PPP6R2: variants seen among roughly 807,000 people sequenced by gnomAD.
PPP6R2 encodes the protein protein phosphatase 6 regulatory subunit 2.
A neutral mutation model predicts 100.2 loss-of-function variants in PPP6R2; 62 were observed. The ratio of observed to expected loss-of-function variants is 0.62; its 90% CI spans 0.50 to 0.76. PPP6R2 has a LOEUF of 0.76. Among genes scored for constraint, PPP6R2 ranks in the 30% least tolerant of loss-of-function variants. The probability of loss-of-function intolerance (pLI) is 0.00; values close to 1 mark genes in which losing one functional copy is unlikely to be tolerated. For missense variants in PPP6R2, 1,142 were observed against 1,276.3 expected (o/e 0.89, Z 1.60); for synonymous variants, 525 against 514.7 (o/e 1.02, Z -0.27).
chr22:50,435,331 C>T (rs915586436), intron 13 of PPP6R2, among the ~76,000 whole-genome samples: 1 of 152,236 alleles, frequency 6.6e-6, no homozygotes, highest in African/African-American at 2.4e-5. Context: ...GCACAAGAGA[C>T]AGTCCCTCCC....
At chr22:50,369,512 T>G (rs534322001) in intron 1 of PPP6R2, among the ~76,000 whole-genome samples, 44 of 152,222 alleles carry the variant, frequency 2.9e-4, no homozygotes, top group African/African-American at 1.0e-3. Flanking sequence ...AGTGTGATTG[T>G]GGCTCACTGC....
At chr22:50,417,166 G>C (rs927104507) in intron 6 of PPP6R2, among the ~76,000 whole-genome samples, 2 of 152,090 alleles carry the variant, frequency 1.3e-5, no homozygotes, top group African/African-American at 4.8e-5. Context: ...TGGGGTAGAG[G>C]CCAGCTCCAT....
intron 10 of PPP6R2, among the ~76,000 whole-genome samples, chr22:50,428,110 C>T (rs919862738): frequency 6.6e-6 from 1 of 151,308 alleles, no homozygotes; most frequent in African/African-American, 2.4e-5. Flanking sequence ...CCACATTGGC[C>T]TCCCAAAGTG....
intron 2 of PPP6R2, among the ~76,000 whole-genome samples, chr22:50,372,782 G>A (rs187988848): frequency 6.6e-6 from 1 of 150,464 alleles, no homozygotes; most frequent in East Asian, 2.0e-4. Context: ...TCCACCTCCC[G>A]GGATCAAGCG....
chr22:50,437,044 C>T lies in PPP6R2; in HGVS notation c.1659C>T (p.Phe553=), dbSNP rs1278639376. ...SSEDEDIEGA[F]PNELSLQQAF... is the part of the protein sequence containing the mutation. ...AGGACGAGGACATTGAGGGTGCTTT[C>T]CCTAACGAGCTGTCCCTTCAGCAGG... The change falls in exon 15 of 24, where the codon TTC becomes TTT. Residue 553 remains phenylalanine, a synonymous_variant. Coordinates refer to ENST00000612753, the MANE Select transcript of PPP6R2 (RefSeq NM_001242898.2). 6.4e-7 allele frequency: 1 copy of T among 1,561,728 alleles called. No individual in the cohort carries two copies. The highest frequency in any genetic ancestry group is 8.7e-7 in the Non-Finnish European group (1 of 1,153,262).
chr22:50,443,735 A>G, intron 22 of PPP6R2, 131 bp from the exon 23 acceptor site: 3 of 1,292,770 alleles, frequency 2.3e-6, no homozygotes, highest in Non-Finnish European at 3.1e-6. Context: ...CACAAAGGGC[A>G]GGAGTGAGAG....
At chr22:50,425,505 TAAG>T (rs957160571) in intron 10 of PPP6R2, among the ~76,000 whole-genome samples, 26 of 152,374 alleles carry the variant, frequency 1.7e-4, no homozygotes, top group Admixed American at 7.8e-4. Flanking sequence ...CTTCTGAAAG[TAAG>T]AAGAAGTTCT....
intron 1 of PPP6R2, among the ~76,000 whole-genome samples, chr22:50,361,080 C>T (rs957497636): frequency 2.6e-5 from 4 of 152,218 alleles, no homozygotes; most frequent in African/African-American, 9.6e-5. Flanking sequence ...CCCACCATCT[C>T]TAAGCCTGTG....
intron 13 of PPP6R2, among the ~76,000 whole-genome samples, chr22:50,436,146 C>T (rs2064200892): frequency 6.6e-6 from 1 of 152,232 alleles, no homozygotes; most frequent in Non-Finnish European, 1.5e-5. Context: ...CCCACAGGTG[C>T]TGCACCTCAA....
chr22:50,389,398 G>T (rs986269370), intron 2 of PPP6R2, among the ~76,000 whole-genome samples: 3 of 152,132 alleles, frequency 2.0e-5, no homozygotes, highest in Non-Finnish European at 4.4e-5. Flanking sequence ...TAGTTGTGCA[G>T]ATAGGAGAAA....
chr22:50,355,017 A>AT (rs1331705550), intron 1 of PPP6R2, among the ~76,000 whole-genome samples: 1 of 148,224 alleles, frequency 6.7e-6, no homozygotes, highest in Non-Finnish European at 1.5e-5. Context: ...CTAATTTTTT[A>AT]TTTTTTGTGG....
chr22:50,355,737 G>A (rs1350069670), intron 1 of PPP6R2, among the ~76,000 whole-genome samples: 2 of 147,968 alleles, frequency 1.4e-5, no homozygotes, highest in African/African-American at 5.0e-5. Context: ...TAGCCAGGAT[G>A]GTCTCGATCT....
At chr22:50,333,745 C>T in the PPP6R2 span, among the ~76,000 whole-genome samples, 5 of 152,092 alleles carry the variant, frequency 3.3e-5, no homozygotes, top group Non-Finnish European at 5.9e-5. Context: ...GAAATAAAGA[C>T]GCAAGACAAA....
rs183770241 is a variant in PPP6R2, at chr22:50,440,660, G to A, written c.2375-162G>A. 188 of 760,528 alleles carry A rather than the reference G, an allele frequency of 2.5e-4. No homozygotes were observed. The African/African-American group carries it at 2.8e-3, about 11-fold the overall frequency. The allele number at this position is 760,528 out of a possible 1,614,324, so 47.1% of individuals were successfully genotyped here. A position where few individuals can be genotyped will look rare whatever the true frequency, so the allele number is the denominator to read the frequency against. ...TGTGTGGAGACCCCATGGCAGGTGC[G>A]TGAGCCTGTCTGCCTCATCATGCGG... On this transcript the variant is annotated intron_variant, in intron 21 of 23. Coordinates refer to ENST00000612753, the MANE Select transcript of PPP6R2 (RefSeq NM_001242898.2).
chr22:50,339,564 T>G (rs1234742229), upstream of PPP6R2, among the ~76,000 whole-genome samples: 19 of 96,716 alleles, frequency 2.0e-4, no homozygotes, highest in African/African-American at 4.3e-4. Context: ...GTGGTGTGTG[T>G]GGTATGTAGT....
rs1333446435 is a variant in PPP6R2 at position 50,444,445 on chromosome 22, C to T, written c.*198C>T. On this transcript the variant is annotated 3_prime_UTR_variant, in exon 24 of 24. Transcript: ENST00000612753. ...GCCTGAGTGGGCCTCTCAGGTCACT[C>T]GTGCCCTGCTGGAGGACAGAGGGGC... The T allele has an allele frequency of 2.2e-5, 13 of 585,908 alleles. No individual in the cohort carries two copies. Among genetic ancestry groups the T allele is most frequent in the South Asian group, 1.2e-4 (6 of 49,534 alleles). 36.3% of individuals were successfully genotyped at this position (585,908 alleles called of 1,614,324 possible). A position where few individuals can be genotyped will look rare whatever the true frequency, so the allele number is the denominator to read the frequency against.
Position 50,351,026 on chromosome 22 carries a change from G to GGTTTTT in PPP6R2, c.-148+7476_-148+7477insGTTTTT, listed in dbSNP as rs1386357403. Among the ~76,000 whole-genome samples, 54 of 80,738 alleles carry GGTTTTT rather than the reference G, an allele frequency of 6.7e-4. 13 individuals are homozygous for GGTTTTT. The highest frequency in any genetic ancestry group is 8.8e-3 in the Middle Eastern group (1 of 114). 53.0% of individuals were successfully genotyped at this position (80,738 alleles called of 152,430 possible). On this transcript the variant is annotated intron_variant, in intron 1 of 23. Transcript: ENST00000612753. ...TTTCTGAGCAGTAGGTCTCAACAGT[G>GGTTTTT]TTTTTTTTTTTTTTTTTTTTTTTTT...
chr22:50,443,695 C>A (rs1301613959), intron 22 of PPP6R2, 171 bp from the exon 23 acceptor site: 1 of 903,500 alleles, frequency 1.1e-6, no homozygotes, highest in Non-Finnish European at 1.6e-6. Flanking sequence ...GGCAGCAGAG[C>A]TGCCTAGCTG....
chr22:50,394,232 G>A, intron 3 of PPP6R2, 97 bp downstream of exon 3: 5 of 1,491,476 alleles, frequency 3.4e-6, no homozygotes, highest in South Asian at 1.3e-5. Flanking sequence ...GATTTCTGAT[G>A]AAGAAGCGAG....
Sources: allele counts gnomAD v4.1 joint callset (sites outside exome capture counted in the v4.1 genomes callset), GRCh38; gene constraint gnomAD v4.1.1; transcripts MANE v1.5; gene names NCBI Gene and HGNC (gene_info 2026-07-23, HGNC 2026-07-21).